The following MSI2 variants were observed in gnomAD, a reference collection of about 807,000 sequenced individuals.
MSI2 encodes musashi RNA binding protein 2.
In MSI2, 17 loss-of-function variants were observed where a neutral mutation model predicts 45.6. The ratio of observed to expected loss-of-function variants is 0.37; its 90% confidence interval spans 0.26 to 0.56. The LOEUF is 0.56. Among genes scored for constraint, MSI2 ranks in the 20% least tolerant of loss-of-function variants. The pLI, the probability that MSI2 is intolerant of heterozygous loss-of-function variation, is 0.77. For synonymous variants in MSI2, 156 were observed against 158.2 expected (o/e 0.99, Z 0.11); for missense variants, 293 against 444.2 (o/e 0.66, Z 3.06).
intron 6 of MSI2, among the ~76,000 whole-genome samples, chr17:57,491,970 G>A (rs1017627114): frequency 9.9e-5 from 15 of 152,274 alleles, no homozygotes; most frequent in Admixed American, 9.1e-4. Context: ...CTGTATTAGT[G>A]TTGTAATTTG....
At chr17:57,648,050 C>T (rs1169988835) in intron 10 of MSI2, among the ~76,000 whole-genome samples, 1 of 152,062 alleles carries the variant, frequency 6.6e-6, no homozygotes, top group Non-Finnish European at 1.5e-5. Flanking sequence ...GCAACCTCCA[C>T]CTTCCAGGTT....
intron 8 of MSI2, chr17:57,602,084 C>T (rs975335996): frequency 6.6e-6 from 1 of 152,238 alleles, no homozygotes; most frequent in African/African-American, 2.4e-5. Flanking sequence ...TACAATACTA[C>T]TGCAGGATTA....
At chr17:57,576,957 G>A (rs138460679) in intron 7 of MSI2, among the ~76,000 whole-genome samples, 90 of 152,216 alleles carry the variant, frequency 5.9e-4, no homozygotes, top group Middle Eastern at 3.4e-3. Context: ...GTATTTGGTT[G>A]CACTGCTCAG....
chr17:57,373,733 G>A (rs928664063), intron 5 of MSI2, among the ~76,000 whole-genome samples: 6 of 152,184 alleles, frequency 3.9e-5, no homozygotes, highest in Admixed American at 2.6e-4. Flanking sequence ...GTCCCCATCC[G>A]AAGGCCTCCA....
At chr17:57,523,210 C>A (rs1253136490) in intron 6 of MSI2, among the ~76,000 whole-genome samples, 1 of 152,090 alleles carries the variant, frequency 6.6e-6, no homozygotes, top group East Asian at 1.9e-4. Context: ...ACAACGCCCA[C>A]CTAATTTTTT....
At position 57,365,057 on chromosome 17, in the gene MSI2, T is replaced by C. The variant is rs79203971; in HGVS notation, c.313-36322T>C. 11 of 152,316 alleles carry C rather than the reference T, an allele frequency of 7.2e-5. No homozygotes were observed. In the East Asian group the frequency reaches 2.1e-3, roughly 29 times the overall value. The allele number at this position is 152,316 out of a possible 1,614,324, so 9.4% of individuals were successfully genotyped here. On this transcript the variant is annotated intron_variant, in intron 5 of 13. Coordinates refer to ENST00000284073, the MANE Select transcript of MSI2 (RefSeq NM_138962.4). ...TCAGAACTTGCTTCCTGTCTGTTAATAGTAGATACCCAGCTAACTTACTTT... is the reference window on the plus strand; with the variant it reads ...TCAGAACTTGCTTCCTGTCTGTTAACAGTAGATACCCAGCTAACTTACTTT...
chr17:57,583,077 A>C (rs1370493696), intron 7 of MSI2, among the ~76,000 whole-genome samples: 1 of 152,180 alleles, frequency 6.6e-6, no homozygotes, highest in Non-Finnish European at 1.5e-5. Flanking sequence ...GTGGCTGGTT[A>C]GGTGTCTTGC....
intron 7 of MSI2, among the ~76,000 whole-genome samples, chr17:57,554,263 CAG>C (rs1017236601): frequency 3.3e-5 from 5 of 152,174 alleles, no homozygotes; most frequent in African/African-American, 9.6e-5. Flanking sequence ...CTTAAAAATG[CAG>C]AGAGTCTTGG....
intron 7 of MSI2, among the ~76,000 whole-genome samples, chr17:57,595,398 G>A (rs1447006660): frequency 6.6e-6 from 1 of 151,916 alleles, no homozygotes; most frequent in Non-Finnish European, 1.5e-5. Flanking sequence ...CATACCTTTG[G>A]GGAGAAGAGT....
intron 5 of MSI2, among the ~76,000 whole-genome samples, chr17:57,273,614 C>T (rs941272620): frequency 6.6e-6 from 1 of 152,126 alleles, no homozygotes; most frequent in Admixed American, 6.5e-5. Flanking sequence ...AGCACAAGTC[C>T]TGCCTGGGCA....
intron 6 of MSI2, among the ~76,000 whole-genome samples, chr17:57,415,087 C>T (rs1221747654): frequency 2.6e-5 from 4 of 152,088 alleles, no homozygotes; most frequent in Admixed American, 6.6e-5. Flanking sequence ...GCTGGTGAGA[C>T]GGTGAGAGCG....
chr17:57,316,848 A>G (rs1912890656), intron 5 of MSI2, among the ~76,000 whole-genome samples: 1 of 152,116 alleles, frequency 6.6e-6, no homozygotes, highest in Middle Eastern at 3.2e-3. Flanking sequence ...CTCCTGTGTC[A>G]GAAATTACAG....
chr17:57,589,086 A>G (rs1406660114), intron 7 of MSI2, among the ~76,000 whole-genome samples: 1 of 152,118 alleles, frequency 6.6e-6, no homozygotes, highest in Non-Finnish European at 1.5e-5. Flanking sequence ...GTTGTAATGG[A>G]AGGAATCCTA....
chr17:57,482,132 A>G (rs1301131278), intron 6 of MSI2, among the ~76,000 whole-genome samples: 1 of 152,150 alleles, frequency 6.6e-6, no homozygotes, highest in Non-Finnish European at 1.5e-5. Flanking sequence ...TTCCAAGGAG[A>G]TCTGCTGGAG....
At chr17:57,696,057 AG>A in the MSI2 span, among the ~76,000 whole-genome samples, 1 of 152,196 alleles carries the variant, frequency 6.6e-6, no homozygotes, top group Non-Finnish European at 1.5e-5. Flanking sequence ...ACTGGGGGTT[AG>A]GGTTTCAAAA....
At chr17:57,472,292 CCAGGGACCGG>C (rs2085453099) in intron 6 of MSI2, among the ~76,000 whole-genome samples, 1 of 152,184 alleles carries the variant, frequency 6.6e-6, no homozygotes, top group African/African-American at 2.4e-5. Flanking sequence ...TATGCTCAGT[CCAGGGACCGG>C]CCTCCTTGTG....
intron 7 of MSI2, among the ~76,000 whole-genome samples, chr17:57,541,917 C>T (rs1324610039): frequency 2.0e-5 from 3 of 152,134 alleles, no homozygotes; most frequent in Non-Finnish European, 1.5e-5. Context: ...TTGGTGCCTG[C>T]GTTCTAGCAC....
At chr17:57,309,177 ATCT>A (rs1467522881) in intron 5 of MSI2, among the ~76,000 whole-genome samples, 11 of 152,240 alleles carry the variant, frequency 7.2e-5, no homozygotes, top group Non-Finnish European at 2.9e-5. Flanking sequence ...CTGTAGAAGA[ATCT>A]TTGAACATAA....
At chr17:57,314,261 A>G (rs564714469) in intron 5 of MSI2, among the ~76,000 whole-genome samples, 2 of 152,138 alleles carry the variant, frequency 1.3e-5, no homozygotes, top group Non-Finnish European at 2.9e-5. Context: ...CTCTGTCAAG[A>G]CCGTATCTCT....
Sources: allele counts gnomAD v4.1 joint callset (sites outside exome capture counted in the v4.1 genomes callset), GRCh38; gene constraint gnomAD v4.1.1; transcripts MANE v1.5; gene names NCBI Gene and HGNC (gene_info 2026-07-23, HGNC 2026-07-21).